Variants in ZNF479 observed in about 807,000 individuals in gnomAD.
The protein encoded by ZNF479 is KRAB zinc finger protein KR19.
ZNF479 carries 15 observed loss-of-function variants against 14.7 expected under a neutral mutation model. That is an observed-to-expected ratio of 1.02 (90% confidence interval 0.68 to 1.57). The LOEUF (loss-of-function observed/expected upper bound fraction) is 1.57. Ranked by LOEUF, ZNF479 falls within the 40% of genes most tolerant of loss-of-function variation. The pLI is 0.00. For missense variants in ZNF479, 506 were observed against 615.1 expected (o/e 0.82, Z 1.88); for synonymous variants, 145 against 211.5 (o/e 0.69, Z 2.73).
intron 3 of ZNF479, among the ~76,000 whole-genome samples, chr7:57,125,475 A>T (rs1291117122): frequency 6.6e-6 from 1 of 151,222 alleles, no homozygotes; most frequent in Non-Finnish European, 1.5e-5. Context: ...CCCCACAGCA[A>T]GTGGGGGGAT....
At chr7:57,124,683 T>C (rs1183694387) in intron 3 of ZNF479, among the ~76,000 whole-genome samples, 2 of 152,132 alleles carry the variant, frequency 1.3e-5, no homozygotes, top group African/African-American at 4.8e-5. Context: ...AAGAAATCGG[T>C]GACAATATTT....
intron 3 of ZNF479, among the ~76,000 whole-genome samples, chr7:57,123,958 C>T (rs1786054254): frequency 6.6e-6 from 1 of 151,894 alleles, no homozygotes; most frequent in Admixed American, 6.6e-5. Context: ...ACACTCTTCA[C>T]TGTATTCTTG....
chr7:57,123,524 C>T (rs1446597839), intron 3 of ZNF479, among the ~76,000 whole-genome samples: 2 of 152,150 alleles, frequency 1.3e-5, no homozygotes, highest in Non-Finnish European at 2.9e-5. Flanking sequence ...TGTTAGAACA[C>T]ATAAGTCTTG....
At chr7:57,127,907 T>A (rs1437801108) in intron 1 of ZNF479, among the ~76,000 whole-genome samples, 20 of 148,910 alleles carry the variant, frequency 1.3e-4, no homozygotes, top group Admixed American at 1.2e-3. Flanking sequence ...TAAATTATAA[T>A]CTACATTTAA....
chr7:57,133,798 A>G (rs1223270238), upstream of ZNF479, among the ~76,000 whole-genome samples: 2 of 151,880 alleles, frequency 1.3e-5, no homozygotes, highest in African/African-American at 2.4e-5. Context: ...CCCAAGAGGC[A>G]GAGGTTGCAG....
At chr7:57,139,079 A>C (rs1040036388) in intron 1 of ZNF479, among the ~76,000 whole-genome samples, 5 of 152,198 alleles carry the variant, frequency 3.3e-5, no homozygotes, top group African/African-American at 9.6e-5. Flanking sequence ...CAGATTGTGA[A>C]TCTCACATGT....
chr7:57,132,243 T>C (rs771165940), intron 1 of ZNF479, 43 bp downstream of exon 1: 5 of 1,613,846 alleles, frequency 3.1e-6, no homozygotes, highest in Admixed American at 1.7e-5. Flanking sequence ...CCGGTTCCAA[T>C]CAGCCCCCAC....
intron 3 of ZNF479, among the ~76,000 whole-genome samples, chr7:57,125,708 T>C (rs1179612425): frequency 6.6e-6 from 1 of 152,054 alleles, no homozygotes; most frequent in Non-Finnish European, 1.5e-5. Flanking sequence ...AATATGCAGA[T>C]ATTAGTGTGT....
At chr7:57,123,513 C>T (rs981969819) in intron 3 of ZNF479, among the ~76,000 whole-genome samples, 3 of 152,230 alleles carry the variant, frequency 2.0e-5, no homozygotes, top group Admixed American at 2.0e-4. Context: ...CTGGTGCGTT[C>T]TGTTAGAACA....
rs782195429 is a variant in ZNF479, at chr7:57,120,315, T to C, written c.1100A>G (p.Asn367Ser). The C allele has an allele frequency of 6.2e-7, 1 of 1,608,768 alleles. No homozygotes were observed. Among genetic ancestry groups the C allele is most frequent in the African/African-American group, 1.3e-5 (1 of 74,394 alleles). Residue 367 changes from asparagine (N) to serine (S), a missense_variant, in exon 4 of 4, where the codon AAC (asparagine) becomes AGC (serine). Around this residue, in one of 3 missense-constraint regions of ZNF479, gnomAD observed 420 missense variants for 474.2 expected, o/e 0.89. Coordinates refer to ENST00000319636, the MANE Select transcript of ZNF479 (RefSeq NM_001370129.2). ...ECGQAFSLSS[N>S]LMRHRRIHTG... is the part of the protein sequence containing the mutation. ...ATGAATTCTCCTATGTCTCATAAGG[T>C]TCGAGGATAAGCTAAAGGCTTGGCC...
chr7:57,124,802 C>CG (rs1786085863), intron 3 of ZNF479, among the ~76,000 whole-genome samples: 2 of 152,250 alleles, frequency 1.3e-5, no homozygotes, highest in South Asian at 4.2e-4. Context: ...GAGCCAGGTG[C>CG]GGTGGCTCAC....
chr7:57,131,079 C>T (rs1786397572), intron 1 of ZNF479, among the ~76,000 whole-genome samples: 1 of 151,986 alleles, frequency 6.6e-6, no homozygotes, highest in African/African-American at 2.4e-5. Flanking sequence ...AATAAGAGAA[C>T]AACAGACACT....
At chr7:57,129,948 A>G (rs35424698) in intron 1 of ZNF479, among the ~76,000 whole-genome samples, 35,948 of 152,162 alleles carry the variant, frequency 0.24, 4,970 homozygotes, top group South Asian at 0.34. Flanking sequence ...ATTACAACCG[A>G]AATACAACAT....
intron 1 of ZNF479, among the ~76,000 whole-genome samples, chr7:57,137,837 T>A (rs1294723055): frequency 6.6e-6 from 1 of 152,320 alleles, no homozygotes; most frequent in African/African-American, 2.4e-5. Context: ...TGACTCTCCC[T>A]TTCTGCCTGG....
At chr7:57,135,947 C>T (rs367990754), upstream of ZNF479, among the ~76,000 whole-genome samples, 375 of 151,756 alleles carry the variant, frequency 2.5e-3, 1 homozygote, top group African/African-American at 8.7e-3. Context: ...ACCTTTCCTG[C>T]CCTGCCATAG....
chr7:57,128,738 C>T (rs1443179969), intron 1 of ZNF479, among the ~76,000 whole-genome samples: 1 of 152,032 alleles, frequency 6.6e-6, no homozygotes, highest in African/African-American at 2.4e-5. Context: ...ATAGTTGAAA[C>T]AAACTCATTA....
intron 1 of ZNF479, 79 bp downstream of exon 1, chr7:57,132,207 C>G: frequency 6.2e-7 from 1 of 1,612,594 alleles, no homozygotes; most frequent in East Asian, 2.2e-5. Flanking sequence ...GCAAGAAAGT[C>G]TGGGACCTGC....
At chr7:57,135,643 C>T (rs981873547), upstream of ZNF479, among the ~76,000 whole-genome samples, 1 of 152,048 alleles carries the variant, frequency 6.6e-6, no homozygotes, top group Non-Finnish European at 1.5e-5. Context: ...GAACTCCTGA[C>T]CTCAGCTGAT....
chr7:57,139,104 TCAGGTGGTA>T (rs1583957091), intron 1 of ZNF479, among the ~76,000 whole-genome samples: 1 of 152,158 alleles, frequency 6.6e-6, no homozygotes, highest in East Asian at 1.9e-4. Context: ...TATAAAACCC[TCAGGTGGTA>T]CAGACAGTGT....
Sources: gnomAD v4.1 joint callset for allele counts (sites outside exome capture counted in the v4.1 genomes callset) on GRCh38, gnomAD v4.1.1 for gene constraint, gnomAD v4.1.1 regional missense constraint, MANE v1.5 for transcripts, NCBI Gene and HGNC (gene_info 2026-07-23, HGNC 2026-07-21) for gene names.